DCDC1: variants seen among roughly 807,000 people sequenced by gnomAD.
DCDC1 encodes the protein doublecortin domain containing 1.
Under a neutral mutation model 178.3 loss-of-function variants are expected in DCDC1, and 200 were observed. That is an observed-to-expected ratio of 1.12 (90% CI 1.00 to 1.26). DCDC1 has a LOEUF of 1.26. Ranked by LOEUF, DCDC1 falls within the 50% of genes most tolerant of loss-of-function variation. The pLI, the probability that DCDC1 is intolerant of heterozygous loss-of-function variation, is 0.00. For missense variants in DCDC1, 1,983 were observed against 1,749.2 expected (o/e 1.13, Z -2.38); for synonymous variants, 690 against 604.8 (o/e 1.14, Z -2.07).
At chr11:31,344,133 A>G (rs1950693827) in intron 1 of DCDC1, among the ~76,000 whole-genome samples, 2 of 152,208 alleles carry the variant, frequency 1.3e-5, no homozygotes, top group Admixed American at 1.3e-4. Context: ...AGGGTTTCAG[A>G]TAACACCCCT....
At chr11:30,891,471 T>C (rs1429354875) in intron 36 of DCDC1, among the ~76,000 whole-genome samples, 2 of 152,174 alleles carry the variant, frequency 1.3e-5, no homozygotes, top group Non-Finnish European at 2.9e-5. Flanking sequence ...TCCCCCATTG[T>C]CTCAGCTCTA....
rs190649641 is a variant in DCDC1, at chr11:30,864,219, G to C, written c.*1154C>G. The stretch of plus-strand genomic sequence containing the variant: ...TATAAACCAAATCAACTTGAGAACT[G>C]CTTCATGATTGCCTGTCGAAGTCTC... On this transcript the variant is annotated 3_prime_UTR_variant, in exon 39 of 39. Transcript: ENST00000684477. 6.6e-6 allele frequency: 1 copy of C among 152,264 alleles called. No individual in the cohort carries two copies. The highest frequency in any genetic ancestry group is 2.4e-5 in the African/African-American group (1 of 41,552). The allele number at this position is 152,264 out of a possible 1,614,324, so 9.4% of individuals were successfully genotyped here.
intron 38 of DCDC1, among the ~76,000 whole-genome samples, chr11:30,866,219 C>A (rs141607776): frequency 6.6e-6 from 1 of 152,262 alleles, no homozygotes; most frequent in Non-Finnish European, 1.5e-5. Context: ...TTTTCTTAGT[C>A]TATTCAGGTT....
rs950461554 is a variant in DCDC1 at position 30,916,769 on chromosome 11, C to T, written c.3452+101G>A. The stretch of plus-strand genomic sequence containing the variant: ...AAAATGTGCATGTTGATAGAAACAG[C>T]AGCTAACAGCAGTGAAAACTCTTGG... On this transcript the variant is annotated intron_variant, in intron 26 of 38. Transcript: ENST00000684477. 16 of 1,236,992 alleles carry T rather than the reference C, an allele frequency of 1.3e-5. No individual in the cohort carries two copies. The African/African-American group carries it at 2.0e-4, about 15-fold the overall frequency. 76.6% of individuals were successfully genotyped at this position (1,236,992 alleles called of 1,614,324 possible).
At chr11:30,882,048 T>G (rs1942730570) in intron 36 of DCDC1, 2 of 153,656 alleles carry the variant, frequency 1.3e-5, no homozygotes, top group African/African-American at 4.8e-5. Flanking sequence ...CATACCTGCC[T>G]GTATGGCTTT....
chr11:31,077,301 C>T (rs888319089), intron 18 of DCDC1, among the ~76,000 whole-genome samples: 1 of 152,104 alleles, frequency 6.6e-6, no homozygotes, highest in African/African-American at 2.4e-5. Context: ...GTGTGTGGGT[C>T]TTTAGAAAAA....
At chr11:31,057,394 T>A (rs1414591681) in intron 20 of DCDC1, among the ~76,000 whole-genome samples, 1 of 152,046 alleles carries the variant, frequency 6.6e-6, no homozygotes, top group Non-Finnish European at 1.5e-5. Flanking sequence ...GTGAAATTAA[T>A]CTAGAAGTCA....
intron 20 of DCDC1, among the ~76,000 whole-genome samples, chr11:31,061,558 GA>G (rs1388519023): frequency 1.3e-5 from 2 of 151,346 alleles, no homozygotes; most frequent in African/African-American, 4.9e-5. Flanking sequence ...CCTGCCTTAA[GA>G]AAAAAAAGAA....
chr11:30,938,946 C>T (rs1323239610), intron 21 of DCDC1, among the ~76,000 whole-genome samples: 6 of 12,934 alleles, frequency 4.6e-4, no homozygotes, highest in South Asian at 2.9e-3. Flanking sequence ...TGTACTCAAC[C>T]CCCCTTATTG....
At chr11:31,118,160 T>C (rs2135862543) in intron 11 of DCDC1, among the ~76,000 whole-genome samples, 1 of 152,214 alleles carries the variant, frequency 6.6e-6, no homozygotes, top group South Asian at 2.1e-4. Context: ...ATCATCAAAC[T>C]TTCCCCAAAT....
intron 35 of DCDC1, among the ~76,000 whole-genome samples, chr11:30,893,277 T>C (rs1198978508): frequency 1.3e-5 from 2 of 152,200 alleles, no homozygotes; most frequent in East Asian, 3.8e-4. Context: ...TGTGAAGAAA[T>C]GCAGAGAGAA....
rs543269033 is a variant in DCDC1 at position 31,197,712 on chromosome 11, C to T, written c.1221+43738G>A. Reference sequence around the variant, plus strand: ...GGACTATTTGGCTAACTGATGCTTACATCAGTTTATGTGCCTCCAAACTTT... The same window carrying T: ...GGACTATTTGGCTAACTGATGCTTATATCAGTTTATGTGCCTCCAAACTTT... On this transcript the variant is annotated intron_variant, in intron 9 of 38. Coordinates refer to ENST00000684477, the MANE Select transcript of DCDC1 (RefSeq NM_001387274.1). 3.9e-5 allele frequency among the ~76,000 whole-genome samples: 6 copies of T among 152,184 alleles called. No homozygotes were observed. The South Asian group carries it at 1.2e-3, about 32-fold the overall frequency.
intron 7 of DCDC1, among the ~76,000 whole-genome samples, chr11:31,268,366 G>T (rs1945319307): frequency 6.6e-6 from 1 of 152,036 alleles, no homozygotes; most frequent in African/African-American, 2.4e-5. Flanking sequence ...AAAAAAATCA[G>T]TCCCTCCTTC....
chr11:30,886,421 G>T (rs1041604994), intron 36 of DCDC1, among the ~76,000 whole-genome samples: 1 of 152,038 alleles, frequency 6.6e-6, no homozygotes, highest in Non-Finnish European at 1.5e-5. Context: ...CCACAAACTG[G>T]GTGGCTTAAA....
intron 20 of DCDC1, among the ~76,000 whole-genome samples, chr11:31,019,814 C>G (rs1424728960): frequency 1.3e-5 from 2 of 152,052 alleles, no homozygotes; most frequent in Non-Finnish European, 2.9e-5. Context: ...TAGAATAAAC[C>G]AAGACCCTCC....
chr11:31,071,485 C>T (rs914764085), intron 18 of DCDC1, among the ~76,000 whole-genome samples: 1 of 152,134 alleles, frequency 6.6e-6, no homozygotes, highest in African/African-American at 2.4e-5. Context: ...TATTGTGCCA[C>T]TCTCTTTGAT....
At position 31,207,370 on chromosome 11, in the gene DCDC1, G is replaced by C. The variant is rs372909930; in HGVS notation, c.1221+34080C>G. ...ACATAAAACCAAGTTAAGCAGAAGG[G>C]TGTCCATGTGTGTCTTCTTTGATGA... On this transcript the variant is annotated intron_variant, in intron 9 of 38. Transcript: ENST00000684477. 2.1e-3 allele frequency among the ~76,000 whole-genome samples: 325 copies of C among 152,224 alleles called. 2 individuals carry two copies. The highest frequency in any genetic ancestry group is 7.1e-3 in the African/African-American group (295 of 41,564).
chr11:31,306,249 C>T lies in DCDC1; in HGVS notation c.574G>A (p.Val192Ile), dbSNP rs762437569. Residue 192 changes from valine to isoleucine, a missense_variant, in exon 5 of 39, where the codon GTA becomes ATA. Coordinates refer to ENST00000684477, the MANE Select transcript of DCDC1 (RefSeq NM_001387274.1). ...CTAGTTACCAAGGTGATGGTTGGTA[C>T]AGTAACTCTGGCAAAGACTGTTCTA... Reference protein sequence around the residue: ...GSRTVFARVTVPTITLLLEEC... With the variant: ...GSRTVFARVTIPTITLLLEEC... The T allele has an allele frequency of 1.3e-6, 2 of 1,589,244 alleles. No homozygotes were observed. Among genetic ancestry groups the T allele is most frequent in the African/African-American group, 1.4e-5 (1 of 73,926 alleles).
At chr11:31,185,525 T>C (rs752868938) in intron 9 of DCDC1, among the ~76,000 whole-genome samples, 2 of 152,300 alleles carry the variant, frequency 1.3e-5, no homozygotes, top group Non-Finnish European at 2.9e-5. Flanking sequence ...TTCAATTCTC[T>C]GCATCATTCA....
Sources: gnomAD v4.1 joint callset for allele counts (sites outside exome capture counted in the v4.1 genomes callset) on GRCh38, gnomAD v4.1.1 for gene constraint, MANE v1.5 for transcripts, NCBI Gene and HGNC (gene_info 2026-07-23, HGNC 2026-07-21) for gene names.